CLIP1: variants seen among roughly 807,000 people sequenced by gnomAD.
The protein encoded by CLIP1 is CAP-Gly domain containing linker protein 1.
In CLIP1, 66 loss-of-function variants were observed where a neutral mutation model predicts 161.6. The ratio of observed to expected loss-of-function variants is 0.41; its 90% confidence interval spans 0.33 to 0.50. The LOEUF is 0.50. Ranked by LOEUF, CLIP1 falls within the 20% of genes least tolerant of loss-of-function variation. The pLI is 0.27. For missense variants in CLIP1, 1,376 were observed against 1,702.0 expected (o/e 0.81, Z 3.37); for synonymous variants, 598 against 626.2 (o/e 0.96, Z 0.67).
chr12:122,387,470 CT>C (rs139627034), intron 1 of CLIP1, among the ~76,000 whole-genome samples: 30,258 of 147,600 alleles, frequency 0.2, 3,479 homozygotes, highest in Admixed American at 0.27. Context: ...ACTACTGTCA[CT>C]TAAGAGTGTG....
intron 1 of CLIP1, among the ~76,000 whole-genome samples, chr12:122,406,315 G>A (rs777898684): frequency 3.8e-4 from 58 of 152,150 alleles, no homozygotes; most frequent in Non-Finnish European, 7.5e-4. Context: ...GCGTGGTGGT[G>A]CGTGCCTGTG....
In CLIP1 at chr12:122,336,815, A is replaced by G. The variant is rs1271957767; in HGVS notation, c.2452-67T>C. The G allele has an allele frequency of 1.5e-5, 10 of 661,182 alleles. No individual in the cohort carries two copies. In the African/African-American group the frequency reaches 1.7e-4, roughly 11 times the overall value. The allele number at this position is 661,182 out of a possible 1,614,324, so 41.0% of individuals were successfully genotyped here. A position where few individuals can be genotyped will look rare whatever the true frequency, so the allele number is the denominator to read the frequency against. On this transcript the variant is annotated intron_variant, in intron 11 of 25. Coordinates refer to ENST00000620786, the MANE Select transcript of CLIP1 (RefSeq NM_001247997.2). ...AGGAAAACAAAAGAGAATGAGAAGA[A>G]AAAAATAAACAAATGTAAAAAACTT...
intron 5 of CLIP1, among the ~76,000 whole-genome samples, chr12:122,360,328 C>T (rs1337424281): frequency 6.7e-6 from 1 of 150,248 alleles, no homozygotes; most frequent in African/African-American, 2.5e-5. Flanking sequence ...AATCCCAACA[C>T]TTTGGAAGTC....
intron 5 of CLIP1, among the ~76,000 whole-genome samples, chr12:122,358,084 C>T (rs1392875247): frequency 6.6e-5 from 10 of 152,154 alleles, no homozygotes; most frequent in South Asian, 2.1e-4. Flanking sequence ...TTTCATTTTG[C>T]TCTGTACTAA....
At chr12:122,417,920 C>T (rs1253026106) in intron 1 of CLIP1, among the ~76,000 whole-genome samples, 1 of 152,108 alleles carries the variant, frequency 6.6e-6, no homozygotes. Context: ...GGATGTTTTT[C>T]TCTCTGGGCT....
intron 3 of CLIP1, among the ~76,000 whole-genome samples, chr12:122,372,992 C>A (rs1005441789): frequency 6.6e-6 from 1 of 152,056 alleles, no homozygotes; most frequent in African/African-American, 2.4e-5. Context: ...CAGAAAAAAT[C>A]GAATTATTAG....
rs1305137720 is a variant in CLIP1 at position 122,283,461 on chromosome 12, C to CT, written c.3648-4317dup. On this transcript the variant is annotated intron_variant, in intron 21 of 25. Transcript: ENST00000620786. Reference sequence around the variant, plus strand: ...TCCTTTCTTTTTCTTTCTTTCTTTTCTTTTTTTTTTTTTTTGAGATGGAAT... The same window carrying CT: ...TCCTTTCTTTTTCTTTCTTTCTTTTCTTTTTTTTTTTTTTTTGAGATGGAAT... Among the ~76,000 whole-genome samples the CT allele has an allele frequency of 9.5e-3, 1,334 of 140,090 alleles. 13 individuals carry two copies. The highest frequency in any genetic ancestry group is 0.024 in the East Asian group (119 of 4,866). 91.9% of individuals were successfully genotyped at this position (140,090 alleles called of 152,430 possible). A position where few individuals can be genotyped will look rare whatever the true frequency, so the allele number is the denominator to read the frequency against.
At position 122,319,532 on chromosome 12, in the gene CLIP1, C is replaced by G. The variant is rs1951402169; in HGVS notation, c.3250-184G>C. ...GACCAGGACAGGAAAGGTCTTTACT[C>G]TGAAGTAGAATATGCAGACCCTTTC... is the stretch of plus-strand genomic sequence containing the variant. On this transcript the variant is annotated intron_variant, in intron 17 of 25. Transcript: ENST00000620786. Among the ~76,000 whole-genome samples, 3 of 152,362 alleles carry G rather than the reference C, an allele frequency of 2.0e-5. No individual in the cohort carries two copies. The South Asian group carries it at 6.2e-4, about 32-fold the overall frequency.
intron 20 of CLIP1, among the ~76,000 whole-genome samples, chr12:122,307,077 T>C (rs964312577): frequency 1.4e-5 from 2 of 140,322 alleles, no homozygotes; most frequent in African/African-American, 5.3e-5. Flanking sequence ...TGGCACGATC[T>C]CGGCTCACTG....
At chr12:122,357,123 T>G (rs937013718) in intron 5 of CLIP1, among the ~76,000 whole-genome samples, 1 of 151,176 alleles carries the variant, frequency 6.6e-6, no homozygotes, top group Admixed American at 6.6e-5. Flanking sequence ...GGAGCGTCTC[T>G]GCCCGGCCGC....
chr12:122,346,443 C>A (rs949475010), intron 10 of CLIP1, among the ~76,000 whole-genome samples: 3 of 152,170 alleles, frequency 2.0e-5, no homozygotes, highest in Non-Finnish European at 4.4e-5. Context: ...GAGCTCAGGG[C>A]AGGAAGAAGC....
rs2136344211 is a variant in CLIP1 at position 122,341,596 on chromosome 12, A to T, written c.1608T>A (p.Asn536Lys). Residue 536 changes from asparagine (N) to lysine (K), a missense_variant, in exon 11 of 26, where the codon AAT (asparagine) becomes AAA (lysine). Transcript: ENST00000620786. ...VAELRRRLESNKPAGDVDMSL... is the reference protein window; with the variant it reads ...VAELRRRLESKKPAGDVDMSL... ...ACATGTCCACATCCCCAGCAGGCTT[A>T]TTGGACTCTAGCCTTCTTCGGAGCT... 6.2e-7 allele frequency: 1 copy of T among 1,613,690 alleles called. No homozygotes were observed. The highest frequency in any genetic ancestry group is 8.5e-7 in the Non-Finnish European group (1 of 1,179,990).
intron 10 of CLIP1, among the ~76,000 whole-genome samples, chr12:122,347,147 G>A (rs1447472163): frequency 6.6e-6 from 1 of 152,184 alleles, no homozygotes; most frequent in Non-Finnish European, 1.5e-5. Flanking sequence ...TTCTGATCCT[G>A]ATTTGGTTGG....
intron 1 of CLIP1, among the ~76,000 whole-genome samples, chr12:122,417,907 C>G (rs933742784): frequency 6.6e-6 from 1 of 152,032 alleles, no homozygotes; most frequent in Non-Finnish European, 1.5e-5. Flanking sequence ...TTCCTTCTCC[C>G]TAGGATGTTT....
intron 20 of CLIP1, among the ~76,000 whole-genome samples, chr12:122,299,921 A>C (rs1428812100): frequency 1.3e-5 from 2 of 151,692 alleles, no homozygotes; most frequent in East Asian, 3.9e-4. Flanking sequence ...GTCTCAAAAA[A>C]AAAAAGAAGG....
intron 11 of CLIP1, among the ~76,000 whole-genome samples, chr12:122,339,128 G>A (rs552557410): frequency 2.6e-5 from 4 of 152,306 alleles, no homozygotes; most frequent in Admixed American, 1.3e-4. Flanking sequence ...AACAAGGCTA[G>A]TTAGTAAGGA....
At chr12:122,278,395 A>T (rs937194760) in intron 23 of CLIP1, 192 bp from the exon 24 acceptor site, 3 of 614,520 alleles carry the variant, frequency 4.9e-6, no homozygotes, top group African/African-American at 3.7e-5. Context: ...TCTCACAGAC[A>T]CCAGCCTTGC....
chr12:122,416,305 G>C (rs1378547319), intron 1 of CLIP1, among the ~76,000 whole-genome samples: 1 of 152,102 alleles, frequency 6.6e-6, no homozygotes, highest in African/African-American at 2.4e-5. Flanking sequence ...ATCAAGTACT[G>C]GGCTGGCCTT....
intron 15 of CLIP1, 100 bp from the exon 16 acceptor site, chr12:122,328,526 A>T (rs1194969213): frequency 1.4e-6 from 1 of 689,706 alleles, no homozygotes; most frequent in Non-Finnish European, 2.1e-6. Context: ...TTATTTTCAA[A>T]AGTTATGTGT....
Sources: allele counts gnomAD v4.1 joint callset (sites outside exome capture counted in the v4.1 genomes callset), GRCh38; gene constraint gnomAD v4.1.1; transcripts MANE v1.5; gene names NCBI Gene and HGNC (gene_info 2026-07-23, HGNC 2026-07-21).